Variants in SPOCK3 observed in about 807,000 individuals in gnomAD.
The protein encoded by SPOCK3 is testican-3.
Under a neutral mutation model 56.6 loss-of-function variants are expected in SPOCK3, and 30 were observed. The ratio of observed to expected loss-of-function variants is 0.53; its 90% confidence interval spans 0.40 to 0.72. The LOEUF is 0.72. Ranked by LOEUF, SPOCK3 falls within the 30% of genes least tolerant of loss-of-function variation. The pLI, the probability that SPOCK3 is intolerant of heterozygous loss-of-function variation, is 0.00. For missense variants in SPOCK3, 527 were observed against 530.0 expected, an observed-to-expected ratio of 0.99 and a Z score of 0.06; for synonymous variants, 196 against 183.3, an observed-to-expected ratio of 1.07 and a Z score of -0.56.
At chr4:167,194,969 G>A (rs537579518) in intron 2 of SPOCK3, among the ~76,000 whole-genome samples, 22 of 152,206 alleles carry the variant, frequency 1.4e-4, no homozygotes, top group African/African-American at 5.3e-4. Context: ...CAGCTGAGGG[G>A]GTCTGAAACT....
chr4:166,999,686 T>C (rs754004765), intron 4 of SPOCK3, among the ~76,000 whole-genome samples: 5 of 152,326 alleles, frequency 3.3e-5, no homozygotes, highest in Non-Finnish European at 7.4e-5. Flanking sequence ...TGTTTGATTG[T>C]GGCGCGTTCA....
chr4:166,871,351 A>G (rs1366241472), intron 6 of SPOCK3, among the ~76,000 whole-genome samples: 1 of 152,150 alleles, frequency 6.6e-6, no homozygotes, highest in Non-Finnish European at 1.5e-5. Flanking sequence ...AAAATTAGCA[A>G]TATTGGGACA....
At chr4:166,902,743 T>G (rs1283024346) in intron 5 of SPOCK3, among the ~76,000 whole-genome samples, 1 of 151,708 alleles carries the variant, frequency 6.6e-6, no homozygotes, top group Admixed American at 6.6e-5. Context: ...GAAGTTCATC[T>G]AATCTGCTGT....
chr4:166,794,088 A>G, intron 6 of SPOCK3, among the ~76,000 whole-genome samples: 1 of 151,964 alleles, frequency 6.6e-6, no homozygotes. Context: ...CCAGGGACAG[A>G]GCAATGTACA....
intron 4 of SPOCK3, among the ~76,000 whole-genome samples, chr4:166,992,780 A>G (rs538250877): frequency 2.6e-5 from 4 of 151,086 alleles, no homozygotes; most frequent in Admixed American, 6.6e-5. Flanking sequence ...TTGGGGAACA[A>G]GAAACCAGGA....
intron 2 of SPOCK3, among the ~76,000 whole-genome samples, chr4:167,079,418 C>T (rs570351856): frequency 6.6e-6 from 1 of 151,952 alleles, no homozygotes; most frequent in African/African-American, 2.4e-5. Context: ...ATAAACTGTT[C>T]CTCTTGACAA....
chr4:167,233,818 G>A (rs1737433984), intron 2 of SPOCK3, among the ~76,000 whole-genome samples, 167 bp downstream of exon 2: 1 of 152,110 alleles, frequency 6.6e-6, no homozygotes, highest in Non-Finnish European at 1.5e-5. Flanking sequence ...CCAGCTGGGA[G>A]GGGGCAGCGG....
intron 2 of SPOCK3, among the ~76,000 whole-genome samples, chr4:167,069,351 T>C (rs1472409650): frequency 6.6e-6 from 1 of 151,858 alleles, no homozygotes; most frequent in Non-Finnish European, 1.5e-5. Context: ...TTGCCAACCA[T>C]GTGAGAGAAC....
intron 6 of SPOCK3, among the ~76,000 whole-genome samples, chr4:166,876,035 G>C (rs572220038): frequency 2.0e-5 from 3 of 152,284 alleles, no homozygotes; most frequent in African/African-American, 7.2e-5. Flanking sequence ...TGAGGAGCAC[G>C]GGGCTCAGGA....
intron 6 of SPOCK3, among the ~76,000 whole-genome samples, chr4:166,861,488 A>C (rs1731241733): frequency 1.3e-5 from 2 of 152,180 alleles, no homozygotes; most frequent in South Asian, 4.1e-4. Flanking sequence ...AAAAATGGCA[A>C]AATAACCCAT....
intron 6 of SPOCK3, among the ~76,000 whole-genome samples, chr4:166,846,957 A>G (rs1046678795): frequency 1.3e-5 from 2 of 152,154 alleles, no homozygotes; most frequent in African/African-American, 4.8e-5. Context: ...AACCAAATCT[A>G]TCTCACAGGA....
At chr4:166,890,126 C>T (rs1033459649) in intron 5 of SPOCK3, among the ~76,000 whole-genome samples, 2 of 151,788 alleles carry the variant, frequency 1.3e-5, no homozygotes, top group African/African-American at 4.8e-5. Flanking sequence ...ACTTGTTTTA[C>T]AAAAAACAGT....
intron 5 of SPOCK3, among the ~76,000 whole-genome samples, chr4:166,904,580 A>T (rs975773734): frequency 1.3e-5 from 2 of 152,108 alleles, no homozygotes; most frequent in South Asian, 4.1e-4. Flanking sequence ...TATGAATAAC[A>T]TTATATTAGT....
intron 2 of SPOCK3, among the ~76,000 whole-genome samples, chr4:167,085,273 GAA>G (rs1435136515): frequency 1.3e-5 from 2 of 151,374 alleles, no homozygotes; most frequent in African/African-American, 4.8e-5. Context: ...GAGAAAAAAT[GAA>G]AAGAGAGAAA....
At chr4:167,188,676 T>G (rs1732223853) in intron 2 of SPOCK3, among the ~76,000 whole-genome samples, 1 of 146,230 alleles carries the variant, frequency 6.8e-6, no homozygotes, top group Admixed American at 7.0e-5. Flanking sequence ...CAAAGCAACC[T>G]GGTTCTTTGA....
chr4:166,892,520 CTTTAAAATATTT>C (rs1734888130), intron 5 of SPOCK3, among the ~76,000 whole-genome samples: 1 of 151,902 alleles, frequency 6.6e-6, no homozygotes, highest in Non-Finnish European at 1.5e-5. Flanking sequence ...AAAAATGCTA[CTTTAAAATATTT>C]TTTAGCTATA....
chr4:166,829,778 AT>A (rs962142437), intron 6 of SPOCK3, among the ~76,000 whole-genome samples: 2 of 151,986 alleles, frequency 1.3e-5, no homozygotes, highest in African/African-American at 4.8e-5. Context: ...CGTGGGCAAG[AT>A]TTTTTCCCAC....
intron 9 of SPOCK3, among the ~76,000 whole-genome samples, chr4:166,741,640 C>A (rs755775014): frequency 3.9e-4 from 59 of 152,150 alleles, no homozygotes; most frequent in Non-Finnish European, 7.4e-4. Context: ...TATAAAACTA[C>A]ATGCTTTAAA....
intron 8 of SPOCK3, among the ~76,000 whole-genome samples, chr4:166,751,172 T>C (rs1338250016): frequency 1.3e-5 from 2 of 152,198 alleles, no homozygotes; most frequent in Non-Finnish European, 2.9e-5. Flanking sequence ...TCATAGAAAT[T>C]ACAAATATTC....
Sources: gnomAD v4.1 joint callset for allele counts (sites outside exome capture counted in the v4.1 genomes callset) on GRCh38, gnomAD v4.1.1 for gene constraint, MANE v1.5 for transcripts, NCBI Gene and HGNC (gene_info 2026-07-23, HGNC 2026-07-21) for gene names.